The following COL28A1 variants were observed in gnomAD, a reference collection of about 807,000 sequenced individuals.
COL28A1 encodes the protein collagen type XXVIII alpha 1 chain.
A neutral mutation model predicts 150.2 loss-of-function variants in COL28A1; 161 were observed. The ratio of observed to expected loss-of-function variants is 1.07; its 90% confidence interval spans 0.94 to 1.22. The LOEUF (loss-of-function observed/expected upper bound fraction) is 1.22. COL28A1 is among the 50% of genes most tolerant of loss of function. The probability of loss-of-function intolerance (pLI) is 0.00; values close to 1 mark genes in which losing one functional copy is unlikely to be tolerated. For missense variants in COL28A1, 1,617 were observed against 1,388.3 expected (o/e 1.16, Z -2.62); for synonymous variants, 552 against 469.7 (o/e 1.18, Z -2.26).
chr7:7,387,930 A>G lies in COL28A1; in HGVS notation c.2137-6318T>C, dbSNP rs549976824. 2.3e-3 allele frequency among the ~76,000 whole-genome samples: 354 copies of G among 152,298 alleles called. 1 individual carries two copies. Among genetic ancestry groups the G allele is most frequent in the Non-Finnish European group, 3.8e-3 (256 of 68,034 alleles). On this transcript the variant is annotated intron_variant, in intron 27 of 34. Transcript: ENST00000399429. ...CAGGTGTGGATTTCTCCCTACGCAG[A>G]AACAGCTTCTGCTGTTTGAATTCAG... is the stretch of plus-strand genomic sequence containing the variant.
At chr7:7,454,028 AC>A (rs1786930408) in intron 16 of COL28A1, among the ~76,000 whole-genome samples, 1 of 152,270 alleles carries the variant, frequency 6.6e-6, no homozygotes, top group Admixed American at 6.5e-5. Context: ...GAAGGTTCAA[AC>A]ACTTGACTCC....
chr7:7,449,535 TA>T (rs139023216), intron 18 of COL28A1, among the ~76,000 whole-genome samples: 191 of 147,654 alleles, frequency 1.3e-3, no homozygotes, highest in African/African-American at 3.8e-3. Flanking sequence ...TACAAAATGA[TA>T]AAAAAAAAAT....
chr7:7,380,993 T>G (rs1009676791), intron 28 of COL28A1, 131 bp from the exon 29 acceptor site: 2 of 729,036 alleles, frequency 2.7e-6, no homozygotes, highest in African/African-American at 3.5e-5. Flanking sequence ...ACAAATGCAG[T>G]ATTTGAAAAA....
At chr7:7,368,552 C>T (rs1016357065) in intron 33 of COL28A1, among the ~76,000 whole-genome samples, 1 of 152,066 alleles carries the variant, frequency 6.6e-6, no homozygotes, top group Admixed American at 6.6e-5. Context: ...ACCTGAATCC[C>T]CAGTGTGATG....
chr7:7,478,199 G>A lies in COL28A1; in HGVS notation c.1165-1019C>T, dbSNP rs546398237. On this transcript the variant is annotated intron_variant, in intron 13 of 34. Coordinates refer to ENST00000399429, the MANE Select transcript of COL28A1 (RefSeq NM_001037763.3). ...ACAAACCCTGAGCTAGACACAGAGT[G>A]CTGATTGGTGTGTTTACAAACCTTG... Among the ~76,000 whole-genome samples the A allele has an allele frequency of 2.2e-4, 33 of 152,278 alleles. No homozygotes were observed. The South Asian group carries it at 6.2e-3, about 29-fold the overall frequency.
chr7:7,339,961 T>A, the COL28A1 span, among the ~76,000 whole-genome samples: 1 of 152,100 alleles, frequency 6.6e-6, no homozygotes, highest in South Asian at 2.1e-4. Flanking sequence ...CCTGCACAAA[T>A]GTTGATTTGA....
chr7:7,506,821 C>G lies in COL28A1; in HGVS notation c.972+296G>C, dbSNP rs569136641. Among the ~76,000 whole-genome samples the G allele has an allele frequency of 3.9e-5, 6 of 152,306 alleles. No homozygotes were observed. The South Asian group carries it at 1.2e-3, about 32-fold the overall frequency. ...ATCCTGCTTTTAACCACTTGACTTT[C>G]CATCTTTCCAGACTCTTAATTTTTT... On this transcript the variant is annotated intron_variant, in intron 10 of 34. Coordinates refer to ENST00000399429, the MANE Select transcript of COL28A1 (RefSeq NM_001037763.3).
intron 18 of COL28A1, among the ~76,000 whole-genome samples, chr7:7,449,305 C>A (rs1786502098): frequency 6.6e-6 from 1 of 151,910 alleles, no homozygotes; most frequent in Admixed American, 6.6e-5. Flanking sequence ...AAGTGGAAAA[C>A]AACACAATTA....
intron 15 of COL28A1, among the ~76,000 whole-genome samples, chr7:7,458,719 T>G (rs547105483): frequency 6.6e-6 from 1 of 152,168 alleles, no homozygotes; most frequent in Non-Finnish European, 1.5e-5. Context: ...CAACAACCCC[T>G]GTAAAGTGGC....
chr7:7,465,961 C>T (rs1228014554), intron 15 of COL28A1, among the ~76,000 whole-genome samples: 1 of 58,532 alleles, frequency 1.7e-5, no homozygotes, highest in Non-Finnish European at 3.2e-5. Flanking sequence ...CTGTACATCA[C>T]CATCATCAAA....
chr7:7,411,299 C>T (rs1292454846), intron 27 of COL28A1, among the ~76,000 whole-genome samples: 1 of 152,180 alleles, frequency 6.6e-6, no homozygotes, highest in Non-Finnish European at 1.5e-5. Context: ...TAACGTTCCA[C>T]ATTATGCCCC....
chr7:7,481,471 C>A (rs1318848741), intron 13 of COL28A1, among the ~76,000 whole-genome samples: 1 of 152,052 alleles, frequency 6.6e-6, no homozygotes, highest in Non-Finnish European at 1.5e-5. Context: ...TAAGATAGTA[C>A]CAAAAGATTA....
At chr7:7,355,886 G>C (rs1246169251), downstream of COL28A1, among the ~76,000 whole-genome samples, 1 of 152,146 alleles carries the variant, frequency 6.6e-6, no homozygotes. Context: ...ACATGAATAA[G>C]AGCATTCACA....
the COL28A1 span, among the ~76,000 whole-genome samples, chr7:7,350,370 G>A: frequency 1.3e-5 from 2 of 152,124 alleles, no homozygotes; most frequent in East Asian, 1.9e-4. Flanking sequence ...AGTGGAGGTG[G>A]AGAGTGAGAC....
chr7:7,460,374 A>C (rs1787510507), intron 15 of COL28A1, among the ~76,000 whole-genome samples: 1 of 151,746 alleles, frequency 6.6e-6, no homozygotes, highest in South Asian at 2.1e-4. Flanking sequence ...AGGTCAAGTC[A>C]ATGTTTTTTG....
intron 27 of COL28A1, among the ~76,000 whole-genome samples, chr7:7,400,619 G>A (rs1362450896): frequency 1.3e-5 from 2 of 150,530 alleles, no homozygotes; most frequent in African/African-American, 4.9e-5. Flanking sequence ...TTCCTCTTTG[G>A]CATTACAGAT....
chr7:7,378,882 T>C (rs761927276), intron 30 of COL28A1, among the ~76,000 whole-genome samples: 1 of 152,126 alleles, frequency 6.6e-6, no homozygotes, highest in Non-Finnish European at 1.5e-5. Context: ...CACAACCCAC[T>C]AGTCCTACAC....
chr7:7,342,097 T>A, the COL28A1 span, among the ~76,000 whole-genome samples: 2 of 152,128 alleles, frequency 1.3e-5, no homozygotes, highest in Non-Finnish European at 1.5e-5. Flanking sequence ...TCCCTTTCAC[T>A]TTATATCTTT....
At chr7:7,485,247 A>ATG (rs1156430027) in intron 13 of COL28A1, among the ~76,000 whole-genome samples, 1 of 152,154 alleles carries the variant, frequency 6.6e-6, no homozygotes, top group African/African-American at 2.4e-5. Context: ...CAAGTTGTGC[A>ATG]TGTGTGTGTA....
Sources: allele counts gnomAD v4.1 joint callset (sites outside exome capture counted in the v4.1 genomes callset), GRCh38; gene constraint gnomAD v4.1.1; transcripts MANE v1.5; gene names NCBI Gene and HGNC (gene_info 2026-07-23, HGNC 2026-07-21).